BMPR1A: variants seen among roughly 807,000 people sequenced by gnomAD.
BMPR1A encodes bone morphogenetic protein receptor type 1A.
BMPR1A carries 7 observed loss-of-function variants against 66.0 expected under a neutral mutation model. The observed-to-expected ratio is 0.11, with a 90% confidence interval of 0.06 to 0.20. The LOEUF (loss-of-function observed/expected upper bound fraction) is 0.20. Ranked by LOEUF, BMPR1A falls within the 10% of genes least tolerant of loss-of-function variation. The pLI is 1.00. For missense variants in BMPR1A, 408 were observed against 669.1 expected (o/e 0.61, Z 4.31); for synonymous variants, 200 against 229.7 (o/e 0.87, Z 1.17).
At chr10:86,888,891 T>A (rs1589762804) in intron 3 of BMPR1A, among the ~76,000 whole-genome samples, 1 of 152,062 alleles carries the variant, frequency 6.6e-6, no homozygotes. Context: ...AAAACACTAT[T>A]TAGCAGCACT....
chr10:86,859,089 A>T (rs1186995119), intron 2 of BMPR1A, among the ~76,000 whole-genome samples: 1 of 152,188 alleles, frequency 6.6e-6, no homozygotes, highest in Non-Finnish European at 1.5e-5. Flanking sequence ...GACCAATTGA[A>T]CAGAATAGAG....
In BMPR1A at chr10:86,809,612, T is replaced by C. The variant is rs570036430; in HGVS notation, c.-267-29253T>C. Among the ~76,000 whole-genome samples, 406 of 135,054 alleles carry C rather than the reference T, an allele frequency of 3.0e-3. 2 individuals carry two copies. Among genetic ancestry groups the C allele is most frequent in the Non-Finnish European group, 5.2e-3 (332 of 63,628 alleles). The allele number at this position is 135,054 out of a possible 152,430, so 88.6% of individuals were successfully genotyped here. On this transcript the variant is annotated intron_variant, in intron 1 of 12. Transcript: ENST00000372037. ...CCCGACCTCTTTTTTTTTTTTTTTTTCTCTTTTTTCTTTTTTTAAGAGACA... is the reference window on the plus strand; with the variant it reads ...CCCGACCTCTTTTTTTTTTTTTTTTCCTCTTTTTTCTTTTTTTAAGAGACA...
intron 1 of BMPR1A, among the ~76,000 whole-genome samples, chr10:86,790,178 AAAAAAAAAAAATATAT>A (rs1159335957): frequency 9.9e-5 from 4 of 40,286 alleles, no homozygotes; most frequent in Non-Finnish European, 8.2e-5. Flanking sequence ...AAAAAAAAAA[AAAAAAAAAAAATATAT>A]ATATATATAT....
chr10:86,821,354 A>G (rs1280684902), intron 1 of BMPR1A, among the ~76,000 whole-genome samples: 1 of 152,252 alleles, frequency 6.6e-6, no homozygotes, highest in African/African-American at 2.4e-5. Context: ...CTTAATAAAC[A>G]TCAGCTGTTA....
chr10:86,838,674 A>G (rs1462603254), intron 1 of BMPR1A, among the ~76,000 whole-genome samples, 191 bp from the exon 2 acceptor site: 1 of 152,122 alleles, frequency 6.6e-6, no homozygotes, highest in Non-Finnish European at 1.5e-5. Context: ...TAACTTTACA[A>G]ATGTAAAGCT....
At chr10:86,778,872 G>A (rs1841394773) in intron 1 of BMPR1A, among the ~76,000 whole-genome samples, 1 of 149,114 alleles carries the variant, frequency 6.7e-6, no homozygotes, top group Admixed American at 6.7e-5. Context: ...TTAATATAAT[G>A]TCTTCCAGTT....
chr10:86,892,941 G>A (rs1843173821), intron 5 of BMPR1A, among the ~76,000 whole-genome samples: 1 of 150,928 alleles, frequency 6.6e-6, no homozygotes, highest in South Asian at 2.1e-4. Context: ...TTTTCAATGA[G>A]AAAAAGTTTC....
intron 7 of BMPR1A, among the ~76,000 whole-genome samples, chr10:86,903,902 G>A (rs991922639): frequency 1.4e-5 from 2 of 147,934 alleles, no homozygotes; most frequent in Admixed American, 6.8e-5. Flanking sequence ...CACCGTGCCC[G>A]GCCTATTATT....
At chr10:86,893,043 G>T (rs747239112) in intron 5 of BMPR1A, among the ~76,000 whole-genome samples, 46 of 151,870 alleles carry the variant, frequency 3.0e-4, no homozygotes, top group South Asian at 2.1e-4. Flanking sequence ...TAAGTTCCAG[G>T]TTATTTTACC....
intron 2 of BMPR1A, among the ~76,000 whole-genome samples, chr10:86,868,703 G>A (rs185464891): frequency 6.6e-6 from 1 of 151,984 alleles, no homozygotes; most frequent in Non-Finnish European, 1.5e-5. Context: ...TCAACGGTGG[G>A]GGGCTTAACA....
intron 9 of BMPR1A, 119 bp from the exon 10 acceptor site, chr10:86,919,053 A>T (rs1239725280): frequency 1.8e-6 from 2 of 1,113,054 alleles, no homozygotes; most frequent in Non-Finnish European, 2.7e-6. Context: ...TGTCAGGCGA[A>T]TTAAAGTTTC....
At chr10:86,884,410 T>TGAGA in intron 3 of BMPR1A, among the ~76,000 whole-genome samples, 4 of 86,946 alleles carry the variant, frequency 4.6e-5, no homozygotes, top group African/African-American at 5.7e-5. Flanking sequence ...TTTTTTTTTT[T>TGAGA]TTTTTTTTTT....
chr10:86,824,081 T>TGTGTGTG (rs1842157809), intron 1 of BMPR1A, among the ~76,000 whole-genome samples: 9 of 94,130 alleles, frequency 9.6e-5, no homozygotes, highest in African/African-American at 2.6e-4. Flanking sequence ...TTACCAAGGG[T>TGTGTGTG]TGTGTGTGTG....
At chr10:86,784,725 T>C (rs73346190) in intron 1 of BMPR1A, among the ~76,000 whole-genome samples, 1,772 of 152,298 alleles carry the variant, frequency 0.012, 36 homozygotes, top group African/African-American at 0.04. Context: ...TCTTCGTGAT[T>C]CAGTCCTGGC....
intron 1 of BMPR1A, among the ~76,000 whole-genome samples, chr10:86,793,645 G>A (rs1564687039): frequency 6.6e-6 from 1 of 152,066 alleles, no homozygotes; most frequent in Admixed American, 6.6e-5. Context: ...ACTGCGCCAG[G>A]CCTGACAGAT....
At chr10:86,847,147 G>A (rs554813446) in intron 2 of BMPR1A, among the ~76,000 whole-genome samples, 8 of 152,052 alleles carry the variant, frequency 5.3e-5, no homozygotes, top group Non-Finnish European at 1.0e-4. Context: ...GAGCCCCTGC[G>A]CCTGGCCCAT....
rs1060504902 is a variant in BMPR1A, at chr10:86,890,057, T to C, written c.68-5T>C. ...TTTACTTACAAATTCCATATTTGAA[T>C]GCAGGACAGAATCTGGATAGTATGC... On this transcript the variant is annotated splice_region_variant and splice_polypyrimidine_tract_variant and intron_variant, in intron 3 of 12. Transcript: ENST00000372037. 18 of 1,612,564 alleles carry C rather than the reference T, an allele frequency of 1.1e-5. No homozygotes were observed. Among genetic ancestry groups the C allele is most frequent in the Non-Finnish European group, 1.5e-5 (18 of 1,179,920 alleles).
At chr10:86,782,726 G>A (rs1245071274) in intron 1 of BMPR1A, among the ~76,000 whole-genome samples, 1 of 151,646 alleles carries the variant, frequency 6.6e-6, no homozygotes, top group Non-Finnish European at 1.5e-5. Flanking sequence ...CTGAGTTGTA[G>A]GAGTTTTTTT....
At chr10:86,841,094 T>C (rs556010527) in intron 2 of BMPR1A, among the ~76,000 whole-genome samples, 1 of 152,320 alleles carries the variant, frequency 6.6e-6, no homozygotes, top group Non-Finnish European at 1.5e-5. Context: ...TTAAAGATAG[T>C]GTAGCTTTGC....
Sources: allele counts gnomAD v4.1 joint callset (sites outside exome capture counted in the v4.1 genomes callset), GRCh38; gene constraint gnomAD v4.1.1; transcripts MANE v1.5; gene names NCBI Gene and HGNC (gene_info 2026-07-23, HGNC 2026-07-21).